CLEC16A: variants seen among roughly 807,000 people sequenced by gnomAD.
CLEC16A encodes protein CLEC16A.
Under a neutral mutation model 109.5 loss-of-function variants are expected in CLEC16A, and 51 were observed. The ratio of observed to expected loss-of-function variants is 0.47; its 90% CI spans 0.37 to 0.59. The LOEUF is 0.59. CLEC16A is among the 20% of genes least tolerant of loss of function. The pLI is 0.00. For synonymous variants in CLEC16A, 673 were observed against 564.2 expected (o/e 1.19, Z -2.73); for missense variants, 1,339 against 1,394.0 (o/e 0.96, Z 0.63).
intron 22 of CLEC16A, among the ~76,000 whole-genome samples, chr16:11,162,294 C>T (rs1458100410): frequency 6.6e-6 from 1 of 152,196 alleles, no homozygotes; most frequent in East Asian, 1.9e-4. Context: ...TTGGAGTGGC[C>T]TGCCTGGCCC....
intron 19 of CLEC16A, among the ~76,000 whole-genome samples, chr16:11,110,597 T>A (rs1282121920): frequency 1.3e-5 from 2 of 152,178 alleles, no homozygotes; most frequent in Non-Finnish European, 2.9e-5. Flanking sequence ...GAGAGAGTCA[T>A]GGCTCCAGAA....
At chr16:11,110,439 G>A (rs2051508074) in intron 19 of CLEC16A, among the ~76,000 whole-genome samples, 1 of 152,104 alleles carries the variant, frequency 6.6e-6, no homozygotes, top group Non-Finnish European at 1.5e-5. Flanking sequence ...GAGCCCGGGG[G>A]GCCTGTGTAT....
chr16:10,972,405 C>G, intron 5 of CLEC16A, 149 bp from the exon 6 acceptor site: 1 of 686,660 alleles, frequency 1.5e-6, no homozygotes, highest in Non-Finnish European at 2.6e-6. Flanking sequence ...CTCCTGTCTC[C>G]TTCTAACCTT....
At chr16:11,108,553 G>C (rs1033772656) in intron 19 of CLEC16A, among the ~76,000 whole-genome samples, 1 of 152,258 alleles carries the variant, frequency 6.6e-6, no homozygotes, top group Non-Finnish European at 1.5e-5. Context: ...GCAGATGAGT[G>C]CTCTCTCTGG....
intron 3 of CLEC16A, among the ~76,000 whole-genome samples, chr16:10,968,267 T>G (rs1447299877): frequency 6.6e-6 from 1 of 152,232 alleles, no homozygotes; most frequent in East Asian, 1.9e-4. Flanking sequence ...TAGACATGTT[T>G]TTGCCGGCCA....
Position 10,962,575 on chromosome 16 carries a change from C to T in CLEC16A, c.330C>T (p.His110=), listed in dbSNP as rs188332861. Residue 110 remains histidine (H), a synonymous_variant, in exon 3 of 24, where the codon CAC becomes CAT. Transcript: ENST00000409790. ...TLNILFENIS[H]ETSLYYLLSN... ...ACATCCTCTTTGAGAACATCAGTCA[C>T]GAGACCTCACTTTGTAAGGACATTC... 38 of 1,613,788 alleles carry T rather than the reference C, an allele frequency of 2.4e-5. No homozygotes were observed. The highest frequency in any genetic ancestry group is 2.2e-4 in the South Asian group (20 of 91,084).
chr16:11,064,772 C>G (rs954727913), intron 19 of CLEC16A, among the ~76,000 whole-genome samples: 40 of 152,048 alleles, frequency 2.6e-4, no homozygotes, highest in Admixed American at 2.4e-3. Context: ...GTGAGACCCT[C>G]TTTCAAAAAA....
At chr16:11,126,766 A>G (rs2052853817) in intron 22 of CLEC16A, 1 of 155,678 alleles carries the variant, frequency 6.4e-6, no homozygotes, top group Non-Finnish European at 1.4e-5. Context: ...GTCTGCTTTA[A>G]GTAAATCCGT....
intron 10 of CLEC16A, among the ~76,000 whole-genome samples, chr16:10,988,252 G>A (rs557113212): frequency 1.3e-5 from 2 of 152,140 alleles, no homozygotes; most frequent in African/African-American, 4.8e-5. Context: ...GGGTTTCTGT[G>A]GAATGGTTTC....
At chr16:11,009,642 G>A (rs567752250) in intron 11 of CLEC16A, among the ~76,000 whole-genome samples, 16 of 152,134 alleles carry the variant, frequency 1.1e-4, no homozygotes, top group Non-Finnish European at 2.4e-4. Context: ...TGGACATGAC[G>A]GGCCATGCTG....
chr16:10,953,279 G>A (rs1014662506), intron 1 of CLEC16A, among the ~76,000 whole-genome samples: 1 of 152,222 alleles, frequency 6.6e-6, no homozygotes, highest in Non-Finnish European at 1.5e-5. Context: ...GTAGAGAAGT[G>A]AGGGCCTTTT....
At chr16:11,012,798 G>C (rs1198007435) in intron 11 of CLEC16A, among the ~76,000 whole-genome samples, 1 of 152,074 alleles carries the variant, frequency 6.6e-6, no homozygotes, top group Non-Finnish European at 1.5e-5. Context: ...AATCTGGTAG[G>C]CTTGTTGAAT....
intron 1 of CLEC16A, among the ~76,000 whole-genome samples, chr16:10,949,816 C>G (rs984572863): frequency 6.6e-6 from 1 of 152,146 alleles, no homozygotes; most frequent in Non-Finnish European, 1.5e-5. Flanking sequence ...GCTGCCGTCC[C>G]CTGGTGAGTT....
intron 22 of CLEC16A, among the ~76,000 whole-genome samples, chr16:11,153,334 G>A (rs569768432): frequency 2.0e-5 from 3 of 152,026 alleles, no homozygotes; most frequent in Non-Finnish European, 4.4e-5. Context: ...CTTTCTTGAA[G>A]GAAGAGGATG....
chr16:10,950,548 T>C (rs191693737), intron 1 of CLEC16A, among the ~76,000 whole-genome samples: 1 of 152,308 alleles, frequency 6.6e-6, no homozygotes, highest in East Asian at 1.9e-4. Context: ...TTTGACATCT[T>C]TGGGGGATGA....
intron 23 of CLEC16A, among the ~76,000 whole-genome samples, chr16:11,172,266 G>A (rs370575793): frequency 3.3e-5 from 5 of 152,000 alleles, no homozygotes; most frequent in African/African-American, 1.2e-4. Context: ...ATGTATGTAC[G>A]TGGTCACACA....
At chr16:11,175,282 G>C (rs1214977471) in intron 23 of CLEC16A, among the ~76,000 whole-genome samples, 3 of 152,168 alleles carry the variant, frequency 2.0e-5, no homozygotes, top group Non-Finnish European at 4.4e-5. Flanking sequence ...CGGGATGTCT[G>C]TCCGCTGCTT....
chr16:11,156,731 C>T, intron 22 of CLEC16A: 1 of 1,197,702 alleles, frequency 8.3e-7, no homozygotes, highest in East Asian at 5.7e-5. Context: ...GGGACTGGGT[C>T]CTTGGGAATC....
At chr16:11,080,166 T>A (rs976865836) in intron 19 of CLEC16A, among the ~76,000 whole-genome samples, 2 of 152,184 alleles carry the variant, frequency 1.3e-5, no homozygotes, top group African/African-American at 4.8e-5. Flanking sequence ...CGTCCATCCA[T>A]CATTTGCTGA....
Sources: allele counts gnomAD v4.1 joint callset (sites outside exome capture counted in the v4.1 genomes callset), GRCh38; gene constraint gnomAD v4.1.1; transcripts MANE v1.5; gene names NCBI Gene and HGNC (gene_info 2026-07-23, HGNC 2026-07-21).